ZCCHC7: variants seen among roughly 807,000 people sequenced by gnomAD.
The protein encoded by ZCCHC7 is zinc finger CCHC-type containing 7.
A neutral mutation model predicts 52.0 loss-of-function variants in ZCCHC7; 35 were observed. The observed-to-expected ratio is 0.67, with a 90% CI of 0.51 to 0.89. The LOEUF (loss-of-function observed/expected upper bound fraction) is 0.89. ZCCHC7 is among the 40% of genes least tolerant of loss of function. ZCCHC7 has a pLI of 0.00. For missense variants in ZCCHC7, 574 were observed against 649.1 expected (o/e 0.88, Z 1.26); for synonymous variants, 217 against 221.5 (o/e 0.98, Z 0.18).
At chr9:37,152,498 T>G (rs1266992458) in intron 2 of ZCCHC7, among the ~76,000 whole-genome samples, 15 of 152,214 alleles carry the variant, frequency 9.9e-5, no homozygotes, top group Admixed American at 9.8e-4. Context: ...CATTTAGTTG[T>G]CATGTCTCCT....
In ZCCHC7 at chr9:37,225,609, T is replaced by C. The variant is rs112966343; in HGVS notation, c.611-76579T>C. Among the ~76,000 whole-genome samples, 7 of 152,324 alleles carry C rather than the reference T, an allele frequency of 4.6e-5. 1 individual carries two copies. The highest frequency in any genetic ancestry group is 1.7e-4 in the African/African-American group (7 of 41,574). On this transcript the variant is annotated intron_variant, in intron 2 of 8. Transcript: ENST00000336755. ...ATATGTCATGATCAAGTGAAGTTCA[T>C]TCTAGGAAGAAAGGTTGGTTTAACG...
intron 3 of ZCCHC7, among the ~76,000 whole-genome samples, 154 bp downstream of exon 3, chr9:37,302,385 C>T (rs1829075560): frequency 1.3e-5 from 2 of 152,188 alleles, no homozygotes; most frequent in Admixed American, 1.3e-4. Context: ...AAACTTGGTT[C>T]AGCCTTGAGT....
chr9:37,167,893 T>C (rs760329989), intron 2 of ZCCHC7, among the ~76,000 whole-genome samples: 25 of 152,190 alleles, frequency 1.6e-4, no homozygotes, highest in Non-Finnish European at 2.9e-4. Context: ...CCTGGTACTA[T>C]TCTCTGTAAT....
chr9:37,188,290 G>A (rs1039279992), intron 2 of ZCCHC7, among the ~76,000 whole-genome samples: 1 of 152,096 alleles, frequency 6.6e-6, no homozygotes, highest in Non-Finnish European at 1.5e-5. Flanking sequence ...TGGAACTACA[G>A]ATGTGTGCCA....
At chr9:37,247,964 TTCA>T (rs908155150) in intron 2 of ZCCHC7, among the ~76,000 whole-genome samples, 31 of 151,922 alleles carry the variant, frequency 2.0e-4, no homozygotes, top group Non-Finnish European at 4.0e-4. Context: ...AGGATATATT[TTCA>T]TCATCTCTTC....
At chr9:37,327,874 C>T in intron 6 of ZCCHC7, 40 bp downstream of exon 6, 1 of 1,601,454 alleles carries the variant, frequency 6.2e-7, no homozygotes, top group Non-Finnish European at 8.6e-7. Context: ...CAAGACCTAG[C>T]CTATTTACCC....
rs148197699 is a variant in ZCCHC7 at position 37,138,074 on chromosome 9, G to A, written c.610+11132G>A. ...AGCTTTTGTAAGCCTGTACTGCACAGTTCCTAAAGCTGCTTTTGAACTGTG... is the reference window on the plus strand; with the variant it reads ...AGCTTTTGTAAGCCTGTACTGCACAATTCCTAAAGCTGCTTTTGAACTGTG... On this transcript the variant is annotated intron_variant, in intron 2 of 8. Coordinates refer to ENST00000336755, the MANE Select transcript of ZCCHC7 (RefSeq NM_032226.3). Among the ~76,000 whole-genome samples the A allele has an allele frequency of 5.9e-5, 9 of 152,308 alleles. No homozygotes were observed. The East Asian group carries it at 1.7e-3, about 29-fold the overall frequency.
intron 2 of ZCCHC7, among the ~76,000 whole-genome samples, chr9:37,288,559 A>T (rs1177709856): frequency 6.6e-6 from 1 of 151,758 alleles, no homozygotes; most frequent in Non-Finnish European, 1.5e-5. Flanking sequence ...ACTGCCCCTG[A>T]ATTCTCTCCT....
Position 37,204,665 on chromosome 9 carries a change from T to A in ZCCHC7, c.610+77723T>A, listed in dbSNP as rs555253421. ...GTCACTATTCTGTTCCACTGGTCTA[T>A]ATGTCTGTTTTGGTACCAGTACCAT... On this transcript the variant is annotated intron_variant, in intron 2 of 8. Coordinates refer to ENST00000336755, the MANE Select transcript of ZCCHC7 (RefSeq NM_032226.3). 1.4e-4 allele frequency among the ~76,000 whole-genome samples: 21 copies of A among 152,338 alleles called. No homozygotes were observed. The South Asian group carries it at 2.9e-3, about 21-fold the overall frequency.
chr9:37,211,943 G>A (rs1824240103), intron 2 of ZCCHC7, among the ~76,000 whole-genome samples: 1 of 144,054 alleles, frequency 6.9e-6, no homozygotes, highest in Non-Finnish European at 1.5e-5. Flanking sequence ...CGACAGAATG[G>A]CATGAACCCG....
intron 1 of ZCCHC7, among the ~76,000 whole-genome samples, 170 bp from the exon 2 acceptor site, chr9:37,126,142 G>C (rs1484821984): frequency 1.3e-5 from 2 of 152,202 alleles, no homozygotes; most frequent in Non-Finnish European, 2.9e-5. Context: ...ACTTACAGGA[G>C]TGGGTCCTAA....
chr9:37,210,779 C>T (rs756187563), intron 2 of ZCCHC7, among the ~76,000 whole-genome samples: 17 of 152,174 alleles, frequency 1.1e-4, no homozygotes, highest in Non-Finnish European at 2.2e-4. Flanking sequence ...AGGTAGGGGT[C>T]AAGTCACCAG....
chr9:37,207,964 GT>G (rs925262656), intron 2 of ZCCHC7, among the ~76,000 whole-genome samples: 2 of 152,010 alleles, frequency 1.3e-5, no homozygotes, highest in African/African-American at 4.8e-5. Context: ...TTAAGTTTTT[GT>G]TAAGTAAATT....
intron 2 of ZCCHC7, among the ~76,000 whole-genome samples, chr9:37,130,624 C>T (rs1842743129): frequency 6.6e-6 from 1 of 151,654 alleles, no homozygotes; most frequent in South Asian, 2.1e-4. Context: ...TCCCAAGTAG[C>T]TGGGACTACA....
intron 5 of ZCCHC7, 109 bp downstream of exon 5, chr9:37,305,823 A>T: frequency 9.6e-7 from 1 of 1,040,636 alleles, no homozygotes; most frequent in Non-Finnish European, 1.4e-6. Context: ...AGGAATGTTT[A>T]CTCCGTGAGA....
At position 37,240,858 on chromosome 9, in the gene ZCCHC7, A is replaced by G. The variant is rs535137191; in HGVS notation, c.611-61330A>G. The stretch of plus-strand genomic sequence containing the variant: ...AGAAGCCACCCAACTACGATTAAAA[A>G]CATTTAATATGCAATAAAATATTGA... On this transcript the variant is annotated intron_variant, in intron 2 of 8. Coordinates refer to ENST00000336755, the MANE Select transcript of ZCCHC7 (RefSeq NM_032226.3). Among the ~76,000 whole-genome samples, 8 of 152,040 alleles carry G rather than the reference A, an allele frequency of 5.3e-5. No individual in the cohort carries two copies. The East Asian group carries it at 9.6e-4, about 18-fold the overall frequency.
chr9:37,244,786 T>A (rs1046793663), intron 2 of ZCCHC7, among the ~76,000 whole-genome samples: 28 of 151,962 alleles, frequency 1.8e-4, no homozygotes, highest in Non-Finnish European at 3.8e-4. Context: ...ATATTCACTG[T>A]GGAATAGAAT....
chr9:37,199,755 G>T (rs893566037), intron 2 of ZCCHC7, among the ~76,000 whole-genome samples: 1 of 151,428 alleles, frequency 6.6e-6, no homozygotes, highest in Non-Finnish European at 1.5e-5. Flanking sequence ...GTCCAGGCTG[G>T]AGTGCAGTGG....
At chr9:37,259,362 A>G (rs2133437286) in intron 2 of ZCCHC7, among the ~76,000 whole-genome samples, 1 of 152,318 alleles carries the variant, frequency 6.6e-6, no homozygotes, top group East Asian at 1.9e-4. Flanking sequence ...TTGATTAATC[A>G]TGACTTTCTG....
Sources: allele counts gnomAD v4.1 joint callset (sites outside exome capture counted in the v4.1 genomes callset), GRCh38; gene constraint gnomAD v4.1.1; transcripts MANE v1.5; gene names NCBI Gene and HGNC (gene_info 2026-07-23, HGNC 2026-07-21).